Variants in IGSF10 observed in about 807,000 individuals in gnomAD.
IGSF10 encodes the protein immunoglobulin superfamily member 10.
In IGSF10, 126 loss-of-function variants were observed where a neutral mutation model predicts 128.2. The observed-to-expected ratio is 0.98, with a 90% CI of 0.85 to 1.14. IGSF10 has a LOEUF of 1.14. Ranked by LOEUF, IGSF10 falls within the 50% of genes most tolerant of loss-of-function variation. IGSF10 has a pLI of 0.00. For synonymous variants in IGSF10, 1,185 were observed against 1,146.2 expected, an observed-to-expected ratio of 1.03 and a Z score of -0.68; for missense variants, 3,295 against 3,149.8, an observed-to-expected ratio of 1.05 and a Z score of -1.10.
Position 151,439,101 on chromosome 3 carries a change from T to TA in IGSF10, c.5964-505dup, listed in dbSNP as rs561076031. Among the ~76,000 whole-genome samples, 328 of 152,176 alleles carry TA rather than the reference T, an allele frequency of 2.2e-3. 1 individual carries two copies. The highest frequency in any genetic ancestry group is 7.3e-3 in the African/African-American group (302 of 41,500). ...GAATCTCCGTTACATAGTAATTTTT[T>TA]AAAAAAAATCTTAATGAAGAGGCAC... is the stretch of plus-strand genomic sequence containing the variant. On this transcript the variant is annotated intron_variant, in intron 7 of 7. Transcript: ENST00000282466.
the IGSF10 span, among the ~76,000 whole-genome samples, chr3:151,513,858 G>A: frequency 1.4e-4 from 21 of 151,970 alleles, no homozygotes; most frequent in Admixed American, 1.4e-3. Context: ...TCATGAGTGA[G>A]CTCCCATTCA....
At chr3:151,492,219 T>A in the IGSF10 span, among the ~76,000 whole-genome samples, 1 of 152,258 alleles carries the variant, frequency 6.6e-6, no homozygotes, top group East Asian at 1.9e-4. Context: ...AGACATTTCT[T>A]CAAAGACTAC....
chr3:151,560,711 T>G, the IGSF10 span, among the ~76,000 whole-genome samples: 1 of 143,720 alleles, frequency 7.0e-6, no homozygotes, highest in African/African-American at 2.6e-5. Context: ...AGCCCCCCCC[T>G]CCGTCCCACA....
chr3:151,607,107 A>G, the IGSF10 span, among the ~76,000 whole-genome samples: 3 of 152,182 alleles, frequency 2.0e-5, no homozygotes, highest in Non-Finnish European at 2.9e-5. Context: ...TTTCAACTCT[A>G]ATATTCTTGA....
chr3:151,516,591 T>C, the IGSF10 span, among the ~76,000 whole-genome samples: 1 of 152,048 alleles, frequency 6.6e-6, no homozygotes. Flanking sequence ...CCTCTTAACC[T>C]ACATCATGGG....
rs747971021 is a variant in IGSF10, at chr3:151,437,962, A to C, written c.6599T>G (p.Ile2200Ser). The stretch of plus-strand genomic sequence containing the variant: ...AGAATCGAGCAGTTTCACTTTGTTG[A>C]TGGTCAAAGACCCATTGGCATGAAA... ...YTFHANGSLT[I>S]NKVKLLDSGE... The change falls in exon 8 of 8, where the codon ATC (isoleucine) becomes AGC (serine). Residue 2200 changes from isoleucine (I) to serine (S), a missense_variant. Coordinates refer to ENST00000282466, the MANE Select transcript of IGSF10 (RefSeq NM_178822.5). 1.2e-6 allele frequency: 2 copies of C among 1,614,096 alleles called. No individual in the cohort carries two copies. Among genetic ancestry groups the C allele is most frequent in the Admixed American group, 3.3e-5 (2 of 60,010 alleles).
chr3:151,490,256 T>C, the IGSF10 span, among the ~76,000 whole-genome samples: 127,178 of 152,136 alleles, frequency 0.84, 53,358 homozygotes, highest in Middle Eastern at 0.94. Context: ...AAGTTGACTT[T>C]AAGTCAAAAA....
the IGSF10 span, among the ~76,000 whole-genome samples, chr3:151,581,437 G>A: frequency 9.9e-5 from 15 of 152,040 alleles, no homozygotes; most frequent in African/African-American, 3.4e-4. Context: ...CTACCAAACC[G>A]TATCTAGAGG....
rs202113160 is a variant in IGSF10 at position 151,444,984 on chromosome 3, G to T, written c.4997C>A (p.Ala1666Asp). Residue 1666 changes from alanine (A) to aspartate (D), a missense_variant, in exon 6 of 8, where the codon GCC (alanine) becomes GAC (aspartate). Ala to Asp is a moderately radical substitution (Grantham distance 126). Transcript: ENST00000282466. ...ASFTIPANSD[A>D]FLPCEAVGNP... Reference sequence around the variant, plus strand: ...TCCAACAGCTTCACAGGGAAGAAAGGCATCTGAGTTAGCTGGAATAGTAAA... The same window carrying T: ...TCCAACAGCTTCACAGGGAAGAAAGTCATCTGAGTTAGCTGGAATAGTAAA... 1.2e-6 allele frequency: 2 copies of T among 1,614,110 alleles called. No homozygotes were observed. The highest frequency in any genetic ancestry group is 1.7e-5 in the Admixed American group (1 of 60,018).
At chr3:151,455,355 GC>G (rs71138498) in intron 4 of IGSF10, among the ~76,000 whole-genome samples, 2 of 151,118 alleles carry the variant, frequency 1.3e-5, no homozygotes, top group African/African-American at 2.4e-5. Context: ...CAGGTGATCT[GC>G]CCCCCCTTGG....
chr3:151,557,563 T>C, the IGSF10 span, among the ~76,000 whole-genome samples: 1 of 152,088 alleles, frequency 6.6e-6, no homozygotes, highest in Admixed American at 6.6e-5. Flanking sequence ...GGGCATATTA[T>C]GCAATGATGT....
chr3:151,605,551 T>C, the IGSF10 span, among the ~76,000 whole-genome samples: 4 of 152,170 alleles, frequency 2.6e-5, no homozygotes, highest in Admixed American at 2.0e-4. Flanking sequence ...AAAATTCTAG[T>C]GCGATTAATT....
Position 151,453,794 on chromosome 3 carries a change from A to G in IGSF10, c.325-20T>C. On this transcript the variant is annotated intron_variant, in intron 4 of 7. Transcript: ENST00000282466. Reference sequence around the variant, plus strand: ...TAAGACCTATGAATTAAAAAAAAGAACATATTTATGTTGTCAAAGGAATTT... The same window carrying G: ...TAAGACCTATGAATTAAAAAAAAGAGCATATTTATGTTGTCAAAGGAATTT... 7.1e-7 allele frequency: 1 copy of G among 1,409,338 alleles called. No individual in the cohort carries two copies. The highest frequency in any genetic ancestry group is 9.6e-7 in the Non-Finnish European group (1 of 1,038,984). 87.3% of individuals were successfully genotyped at this position (1,409,338 alleles called of 1,614,324 possible).
chr3:151,617,322 C>CTCT, the IGSF10 span, among the ~76,000 whole-genome samples: 1 of 138,952 alleles, frequency 7.2e-6, no homozygotes, highest in African/African-American at 2.7e-5. Flanking sequence ...TCTTCTTCCC[C>CTCT]TCCTCCTCCT....
At chr3:151,498,467 T>C in the IGSF10 span, among the ~76,000 whole-genome samples, 1 of 152,088 alleles carries the variant, frequency 6.6e-6, no homozygotes, top group Non-Finnish European at 1.5e-5. Flanking sequence ...TCCACCATGA[T>C]CAAGTGGGCT....
the IGSF10 span, among the ~76,000 whole-genome samples, chr3:151,577,336 G>A: frequency 7.9e-5 from 12 of 152,190 alleles, no homozygotes; most frequent in African/African-American, 1.7e-4. Context: ...GCCCATGTCC[G>A]CCCATATTAA....
chr3:151,598,716 T>A, the IGSF10 span, among the ~76,000 whole-genome samples: 1,192 of 152,304 alleles, frequency 7.8e-3, 8 homozygotes, highest in African/African-American at 0.018. Context: ...CTATTTTTTT[T>A]AAAATATTTT....
the IGSF10 span, among the ~76,000 whole-genome samples, chr3:151,545,661 G>T: frequency 6.6e-6 from 1 of 152,244 alleles, no homozygotes; most frequent in South Asian, 2.1e-4. Flanking sequence ...TCAAGAACCG[G>T]CCTTCCATCT....
At chr3:151,442,391 T>TG (rs1361365585) in intron 7 of IGSF10, among the ~76,000 whole-genome samples, 1 of 148,558 alleles carries the variant, frequency 6.7e-6, no homozygotes, top group African/African-American at 2.5e-5. Flanking sequence ...TTTTTTTTTT[T>TG]TTTTTTGAGA....
Sources: gnomAD v4.1 joint callset for allele counts (sites outside exome capture counted in the v4.1 genomes callset) on GRCh38, gnomAD v4.1.1 for gene constraint, MANE v1.5 for transcripts, NCBI Gene and HGNC (gene_info 2026-07-23, HGNC 2026-07-21) for gene names.